PTPN13: variants seen among roughly 807,000 people sequenced by gnomAD.
PTPN13 encodes the protein tyrosine-protein phosphatase non-receptor type 13.
Under a neutral mutation model 284.0 loss-of-function variants are expected in PTPN13, and 191 were observed. That is an observed-to-expected ratio of 0.67 (90% CI 0.60 to 0.76). The LOEUF (loss-of-function observed/expected upper bound fraction) is 0.76, where lower values mean the gene tolerates loss of function less well. Ranked by LOEUF, PTPN13 falls within the 30% of genes least tolerant of loss-of-function variation. The pLI is 0.00. For missense variants in PTPN13, 2,797 were observed against 2,939.9 expected (o/e 0.95, Z 1.12); for synonymous variants, 986 against 1,022.3 (o/e 0.96, Z 0.68).
chr4:86,796,286 C>T (rs1743331825), intron 40 of PTPN13, among the ~76,000 whole-genome samples: 1 of 152,018 alleles, frequency 6.6e-6, no homozygotes, highest in Non-Finnish European at 1.5e-5. Context: ...ATCATTAATT[C>T]ACACTTTCAT....
At chr4:86,635,905 G>A (rs1040383328) in intron 2 of PTPN13, among the ~76,000 whole-genome samples, 1 of 152,184 alleles carries the variant, frequency 6.6e-6, no homozygotes, top group Non-Finnish European at 1.5e-5. Context: ...GGAGGTTGCA[G>A]TGAGCCAAGA....
intron 15 of PTPN13, among the ~76,000 whole-genome samples, chr4:86,736,388 T>C (rs1454674143): frequency 6.6e-6 from 1 of 152,168 alleles, no homozygotes; most frequent in African/African-American, 2.4e-5. Context: ...AAAGACAAAT[T>C]TTCAGAACAT....
Position 86,741,815 on chromosome 4 carries a change from C to T in PTPN13, c.2486C>T (p.Ser829Phe). The T allele has an allele frequency of 1.3e-6, 2 of 1,587,336 alleles. No homozygotes were observed. Among genetic ancestry groups the T allele is most frequent in the Non-Finnish European group, 1.7e-6 (2 of 1,165,544 alleles). ...AGGGAAACCAAGAAAATATCTTTTT[C>T]TGTATGTCCATTTAACCTCTTTTCA... ...PWRETKKISF[S>F]KKKITLQNTS... Residue 829 changes from serine to phenylalanine, a missense_variant and splice_region_variant, in exon 16 of 48, where the codon TCT becomes TTT. Ser to Phe is a radical substitution (Grantham distance 155). Coordinates refer to ENST00000411767, the MANE Select transcript of PTPN13 (RefSeq NM_080683.3).
At chr4:86,808,697 T>A (rs764896450) in intron 45 of PTPN13, among the ~76,000 whole-genome samples, 9 of 152,238 alleles carry the variant, frequency 5.9e-5, no homozygotes, top group Non-Finnish European at 8.8e-5. Flanking sequence ...TGTTCAATAT[T>A]CTTCCAGTGA....
intron 5 of PTPN13, among the ~76,000 whole-genome samples, chr4:86,691,279 T>C (rs962617308): frequency 6.6e-6 from 1 of 151,658 alleles, no homozygotes; most frequent in African/African-American, 2.4e-5. Context: ...CTGTATCCTA[T>C]AGGCTAGATA....
At chr4:86,773,019 TAA>T (rs1740182322) in intron 32 of PTPN13, 61 bp downstream of exon 32, 2 of 1,270,032 alleles carry the variant, frequency 1.6e-6, no homozygotes, top group Non-Finnish European at 2.1e-6. Context: ...GGTGTGTTCA[TAA>T]AGTTTCCCTT....
In PTPN13 at chr4:86,670,987, G is replaced by T. The variant is rs191339233; in HGVS notation, c.116-1378G>T. ...GAAGTCTGATGTATGATTGGTTAAG[G>T]CTTTGAGGACCATTGGTCTATAACA... On this transcript the variant is annotated intron_variant, in intron 2 of 47. Transcript: ENST00000411767. 8.3e-3 allele frequency among the ~76,000 whole-genome samples: 1,267 copies of T among 152,264 alleles called. 6 individuals carry two copies. Among genetic ancestry groups the T allele is most frequent in the Non-Finnish European group, 0.013 (906 of 68,014 alleles).
Position 86,767,889 on chromosome 4 carries a change from AC to A in PTPN13, c.4405del (p.Leu1469PhefsTer14). 1 of 1,608,620 alleles carries A rather than the reference AC, an allele frequency of 6.2e-7. No individual in the cohort carries two copies. Among genetic ancestry groups the A allele is most frequent in the Non-Finnish European group, 8.5e-7 (1 of 1,177,180 alleles). On this transcript the variant is annotated frameshift_variant, in exon 28 of 48. Transcript: ENST00000411767. LOFTEE classifies it high-confidence loss of function. ...ACATGTCCCGGTAACCCCACAGTGT[AC>A]CCTTTCAGATCAGAATGCCCAAGGT... ...KEHVPVTPQC[T>X]LSDQNAQGQG...
In PTPN13 at chr4:86,691,808, C is replaced by T. The variant is rs371490374; in HGVS notation, c.547-1779C>T. Among the ~76,000 whole-genome samples, 4 of 152,264 alleles carry T rather than the reference C, an allele frequency of 2.6e-5. No homozygotes were observed. In the South Asian group the frequency reaches 6.2e-4, roughly 24 times the overall value. On this transcript the variant is annotated intron_variant, in intron 5 of 47. Coordinates refer to ENST00000411767, the MANE Select transcript of PTPN13 (RefSeq NM_080683.3). Reference sequence around the variant, plus strand: ...AGCTTTTGTTGCCTCCAGTAGCTGACAGAATGAGTTAGTCTTTCACTGGTG... The same window carrying T: ...AGCTTTTGTTGCCTCCAGTAGCTGATAGAATGAGTTAGTCTTTCACTGGTG...
chr4:86,797,714 T>C (rs1016677446), intron 41 of PTPN13, among the ~76,000 whole-genome samples: 3 of 151,344 alleles, frequency 2.0e-5, no homozygotes, highest in Non-Finnish European at 4.4e-5. Context: ...TCAGTTTCTC[T>C]ATTTTTCTAT....
intron 8 of PTPN13, among the ~76,000 whole-genome samples, 192 bp from the exon 9 acceptor site, chr4:86,716,832 C>T (rs892950982): frequency 6.6e-6 from 1 of 152,174 alleles, no homozygotes; most frequent in African/African-American, 2.4e-5. Flanking sequence ...CTTTTCATTA[C>T]AGAGATAATA....
intron 41 of PTPN13, among the ~76,000 whole-genome samples, chr4:86,798,238 C>G (rs1743581041): frequency 6.6e-6 from 1 of 152,192 alleles, no homozygotes; most frequent in Non-Finnish European, 1.5e-5. Flanking sequence ...CATAGTCACA[C>G]AAGAGGAGAA....
chr4:86,604,395 G>T (rs1764569806), intron 1 of PTPN13, among the ~76,000 whole-genome samples: 1 of 151,996 alleles, frequency 6.6e-6, no homozygotes, highest in African/African-American at 2.4e-5. Flanking sequence ...GAGAGAAATA[G>T]TAACCTAATA....
At chr4:86,613,557 C>T (rs1167335029) in intron 1 of PTPN13, among the ~76,000 whole-genome samples, 1 of 151,104 alleles carries the variant, frequency 6.6e-6, no homozygotes, top group Non-Finnish European at 1.5e-5. Context: ...TGGCATGAAC[C>T]CGGGAGGCGG....
intron 2 of PTPN13, among the ~76,000 whole-genome samples, chr4:86,669,891 A>G (rs578187874): frequency 6.6e-6 from 1 of 152,276 alleles, no homozygotes; most frequent in Admixed American, 6.5e-5. Flanking sequence ...GGAATTAGCC[A>G]TGACAGTTAG....
At chr4:86,646,597 C>T (rs1193985520) in intron 2 of PTPN13, among the ~76,000 whole-genome samples, 1 of 152,202 alleles carries the variant, frequency 6.6e-6, no homozygotes, top group African/African-American at 2.4e-5. Flanking sequence ...TGTGCCCAGC[C>T]AGCAACTGGA....
chr4:86,676,175 A>G (rs1467023472), intron 3 of PTPN13, among the ~76,000 whole-genome samples: 4 of 152,212 alleles, frequency 2.6e-5, no homozygotes, highest in African/African-American at 4.8e-5. Context: ...TCATTCATTC[A>G]TAAATTTGAC....
intron 1 of PTPN13, among the ~76,000 whole-genome samples, chr4:86,624,956 A>G (rs1721668122): frequency 6.6e-6 from 1 of 152,186 alleles, no homozygotes; most frequent in Non-Finnish European, 1.5e-5. Flanking sequence ...ATATAAGCAC[A>G]TGGGCAGGTA....
At chr4:86,603,570 A>G (rs1389330067) in intron 1 of PTPN13, among the ~76,000 whole-genome samples, 1 of 152,164 alleles carries the variant, frequency 6.6e-6, no homozygotes, top group Non-Finnish European at 1.5e-5. Flanking sequence ...AATGTATGTT[A>G]TGAATTCCAA....
Sources: allele counts gnomAD v4.1 joint callset (sites outside exome capture counted in the v4.1 genomes callset), GRCh38; gene constraint gnomAD v4.1.1; transcripts MANE v1.5; gene names NCBI Gene and HGNC (gene_info 2026-07-23, HGNC 2026-07-21).